FKBP5: variants seen among roughly 807,000 people sequenced by gnomAD.
FKBP5 encodes the protein peptidyl-prolyl cis-trans isomerase FKBP5.
Under a neutral mutation model 50.5 loss-of-function variants are expected in FKBP5, and 23 were observed. The ratio of observed to expected loss-of-function variants is 0.46; its 90% confidence interval spans 0.33 to 0.65. The LOEUF (loss-of-function observed/expected upper bound fraction) is 0.65, where lower values mean the gene tolerates loss of function less well. Among genes scored for constraint, FKBP5 ranks in the 30% least tolerant of loss-of-function variants. The pLI is 0.02. For synonymous variants in FKBP5, 176 were observed against 190.6 expected, an observed-to-expected ratio of 0.92 and a Z score of 0.63; for missense variants, 411 against 553.1, an observed-to-expected ratio of 0.74 and a Z score of 2.58.
chr6:35,720,081 G>A (rs1309041573), intron 2 of FKBP5, among the ~76,000 whole-genome samples: 2 of 152,228 alleles, frequency 1.3e-5, no homozygotes, highest in Non-Finnish European at 2.9e-5. Context: ...GGGAGAGCAG[G>A]CTAGGGATCT....
chr6:35,619,276 C>T, intron 4 of FKBP5, 66 bp from the exon 5 acceptor site: 1 of 910,752 alleles, frequency 1.1e-6, no homozygotes. Context: ...TATGTGAAGG[C>T]AAGGGCAACC....
At chr6:35,585,631 T>C (rs1762575219) in intron 8 of FKBP5, 2 of 952,422 alleles carry the variant, frequency 2.1e-6, no homozygotes. Flanking sequence ...ACATAGTAAA[T>C]AATGATAAAT....
chr6:35,616,604 AT>A (rs1387383725), intron 5 of FKBP5, among the ~76,000 whole-genome samples: 1 of 152,150 alleles, frequency 6.6e-6, no homozygotes, highest in African/African-American at 2.4e-5. Flanking sequence ...TTAAAAAAAA[AT>A]TGACTCCCAT....
intron 2 of FKBP5, among the ~76,000 whole-genome samples, chr6:35,704,232 T>A (rs1009574580): frequency 1.3e-5 from 2 of 152,176 alleles, no homozygotes. Context: ...GGGGCAGGTA[T>A]CTAGAAAGGA....
intron 7 of FKBP5, among the ~76,000 whole-genome samples, chr6:35,588,333 A>G (rs2150957805): frequency 6.6e-6 from 1 of 152,218 alleles, no homozygotes. Flanking sequence ...CTACTTTTTA[A>G]AAGTGAATAA....
At chr6:35,626,425 T>C (rs952808353) in intron 3 of FKBP5, among the ~76,000 whole-genome samples, 5 of 152,188 alleles carry the variant, frequency 3.3e-5, no homozygotes, top group African/African-American at 9.7e-5. Flanking sequence ...GTAAAGACTA[T>C]AGTGACCACT....
At chr6:35,632,720 T>C (rs543464029) in intron 3 of FKBP5, among the ~76,000 whole-genome samples, 1 of 151,750 alleles carries the variant, frequency 6.6e-6, no homozygotes, top group Non-Finnish European at 1.5e-5. Context: ...TGAAAGTCCG[T>C]CTCTACTAAA....
In FKBP5 at chr6:35,637,121, A is replaced by T. The variant is rs886809826; in HGVS notation, c.143T>A (p.Met48Lys). 2 of 1,610,466 alleles carry T rather than the reference A, an allele frequency of 1.2e-6. No homozygotes were observed. Among genetic ancestry groups the T allele is most frequent in the Non-Finnish European group, 8.5e-7 (1 of 1,179,280 alleles). Residue 48 changes from methionine (M) to lysine (K), a missense_variant, in exon 3 of 11, where the codon ATG becomes AAG. Physicochemically the swap from Met to Lys is moderately conservative, Grantham distance 95. This residue lies in a region of FKBP5 where 56 missense variants were observed against 58.2 expected (regional missense o/e 0.96). Transcript: ENST00000357266. ...KRVGNGEETP[M>K]IGDKVYVHYK... ...ATGGACATAAACTTTGTCTCCAATC[A>T]TCGGCGTTTCCTCACCATTCCCCAC...
At chr6:35,669,731 T>C (rs1250773794) in intron 1 of FKBP5, among the ~76,000 whole-genome samples, 3 of 152,186 alleles carry the variant, frequency 2.0e-5, no homozygotes, top group African/African-American at 4.8e-5. Flanking sequence ...TTTTCAAAAT[T>C]AGAAATATAA....
At chr6:35,708,041 T>C (rs1766353154) in intron 2 of FKBP5, among the ~76,000 whole-genome samples, 1 of 152,176 alleles carries the variant, frequency 6.6e-6, no homozygotes. Context: ...AGAGCAAAGA[T>C]TGATGAAACT....
intron 2 of FKBP5, among the ~76,000 whole-genome samples, chr6:35,641,070 C>A (rs1416609456): frequency 1.3e-5 from 2 of 152,118 alleles, no homozygotes; most frequent in African/African-American, 4.8e-5. Context: ...CTTGGAACTC[C>A]CAGGCTTACA....
intron 5 of FKBP5, among the ~76,000 whole-genome samples, chr6:35,610,378 A>G (rs950570807): frequency 6.6e-6 from 1 of 151,942 alleles, no homozygotes; most frequent in Admixed American, 6.6e-5. Flanking sequence ...CATCCTGGCT[A>G]ACACGGTGAA....
At chr6:35,706,103 T>C (rs957643407) in intron 2 of FKBP5, among the ~76,000 whole-genome samples, 3 of 150,906 alleles carry the variant, frequency 2.0e-5, no homozygotes, top group East Asian at 1.9e-4. Context: ...AGCCAGACTC[T>C]GTCTCAAACA....
chr6:35,663,480 A>C (rs1482494090), intron 1 of FKBP5, among the ~76,000 whole-genome samples: 1 of 152,208 alleles, frequency 6.6e-6, no homozygotes, highest in Non-Finnish European at 1.5e-5. Context: ...CTGGCACTCC[A>C]ATGGTTTCCC....
At chr6:35,647,846 G>A (rs1764672418) in intron 1 of FKBP5, among the ~76,000 whole-genome samples, 1 of 152,076 alleles carries the variant, frequency 6.6e-6, no homozygotes, top group African/African-American at 2.4e-5. Context: ...ATTCCTGCAG[G>A]GGCCTTGATA....
At chr6:35,605,402 T>C (rs1327653539) in intron 5 of FKBP5, among the ~76,000 whole-genome samples, 1 of 137,922 alleles carries the variant, frequency 7.3e-6, no homozygotes. Context: ...TTTTTTTTTT[T>C]TTTTTTTTTT....
chr6:35,631,921 C>G (rs1285952973), intron 3 of FKBP5, among the ~76,000 whole-genome samples: 1 of 146,718 alleles, frequency 6.8e-6, no homozygotes, highest in Non-Finnish European at 1.5e-5. Context: ...CGCCACTGCA[C>G]TCCAGCCTGG....
intron 1 of FKBP5, among the ~76,000 whole-genome samples, chr6:35,673,875 G>T (rs1020808711): frequency 2.6e-5 from 4 of 152,190 alleles, no homozygotes; most frequent in African/African-American, 9.7e-5. Context: ...ACACTGAGAT[G>T]AGAGTATAAA....
In FKBP5 at chr6:35,597,304, G is replaced by A. The variant is rs1445496887; in HGVS notation, c.609C>T (p.Asp203=). 8 of 1,614,114 alleles carry A rather than the reference G, an allele frequency of 5.0e-6. No homozygotes were observed. The South Asian group carries it at 5.5e-5, about 11-fold the overall frequency. ...GEDHDIPIGI[D]KALEKMQREE... is the part of the protein sequence containing the mutation. ...CCCGCTGCATTTTCTCCAGAGCTTT[G>A]TCAATTCCAATTGGAATGTCGTGGT... Residue 203 remains aspartate (D), a synonymous_variant, in exon 6 of 11, where the codon GAC becomes GAT. Coordinates refer to ENST00000357266, the MANE Select transcript of FKBP5 (RefSeq NM_004117.4).
Sources: allele counts gnomAD v4.1 joint callset (sites outside exome capture counted in the v4.1 genomes callset), GRCh38; gene constraint gnomAD v4.1.1; regional missense constraint gnomAD v4.1.1; transcripts MANE v1.5; gene names NCBI Gene and HGNC (gene_info 2026-07-23, HGNC 2026-07-21).